AHNAK: variants seen among roughly 807,000 people sequenced by gnomAD.
The protein encoded by AHNAK is neuroblast differentiation-associated protein AHNAK.
In AHNAK, 23 loss-of-function variants were observed where a neutral mutation model predicts 37.8. The ratio of observed to expected loss-of-function variants is 0.61; its 90% CI spans 0.44 to 0.86. The LOEUF is 0.86. Among genes scored for constraint, AHNAK ranks in the 40% least tolerant of loss-of-function variants. The pLI is 0.00. For missense variants in AHNAK, 7,411 were observed against 7,319.4 expected (o/e 1.01, Z -0.46); for synonymous variants, 2,481 against 2,636.3 (o/e 0.94, Z 1.80).
chr11:62,437,852 C>A (rs545469312), intron 5 of AHNAK, among the ~76,000 whole-genome samples: 1 of 152,244 alleles, frequency 6.6e-6, no homozygotes, highest in African/African-American at 2.4e-5. Context: ...TTCATTTTAG[C>A]TATTATGGTG....
chr11:62,465,878 A>G (rs192023321), intron 5 of AHNAK, among the ~76,000 whole-genome samples: 2 of 152,326 alleles, frequency 1.3e-5, no homozygotes, highest in Admixed American at 1.3e-4. Context: ...CAGAGGGAAC[A>G]TGACCCTGCT....
chr11:62,481,567 T>TTTTATTTA (rs761257613), intron 5 of AHNAK, among the ~76,000 whole-genome samples: 9 of 151,818 alleles, frequency 5.9e-5, no homozygotes, highest in African/African-American at 9.7e-5. Flanking sequence ...ACTCTTTATT[T>TTTTATTTA]TTTATTTATT....
intron 1 of AHNAK, among the ~76,000 whole-genome samples, chr11:62,544,347 C>T (rs1190750487): frequency 2.6e-5 from 4 of 152,128 alleles, no homozygotes; most frequent in South Asian, 4.1e-4. Context: ...AAGGAGTTCC[C>T]GGACCAGGAC....
At chr11:62,461,098 G>C (rs915924435) in intron 5 of AHNAK, among the ~76,000 whole-genome samples, 5 of 142,524 alleles carry the variant, frequency 3.5e-5, no homozygotes, top group African/African-American at 1.3e-4. Flanking sequence ...GCCTCCCAAA[G>C]TGTTGGGATT....
chr11:62,437,307 C>T (rs1411616515), intron 5 of AHNAK, among the ~76,000 whole-genome samples: 1 of 152,166 alleles, frequency 6.6e-6, no homozygotes, highest in Non-Finnish European at 1.5e-5. Context: ...CTTCTTTGAA[C>T]ATTTTTGTAC....
chr11:62,535,431 C>G (rs1254083443), intron 3 of AHNAK, among the ~76,000 whole-genome samples: 2 of 152,014 alleles, frequency 1.3e-5, no homozygotes, highest in Non-Finnish European at 2.9e-5. Context: ...GGTGGATCGC[C>G]TGAGGTCAGG....
chr11:62,436,506 T>G (rs914328585), intron 5 of AHNAK, among the ~76,000 whole-genome samples: 1 of 152,072 alleles, frequency 6.6e-6, no homozygotes, highest in Non-Finnish European at 1.5e-5. Context: ...AAGAATATCA[T>G]TTTGACAGGT....
At position 62,524,950 on chromosome 11, in the gene AHNAK, G is replaced by C. The variant is rs1388304265; in HGVS notation, c.9467C>G (p.Pro3156Arg). The change falls in exon 5 of 5, where the codon CCC becomes CGC. Residue 3156 changes from proline (P) to arginine (R), a missense_variant. Transcript: ENST00000378024. ...WHLKMPKIKM[P>R]KISMPGFKGE... The stretch of plus-strand genomic sequence containing the variant: ...TTTGAAGCCAGGCATGCTGATCTTG[G>C]GCATTTTTATTTTAGGCATCTTCAG... The C allele has an allele frequency of 1.2e-6, 2 of 1,613,674 alleles. No homozygotes were observed. The highest frequency in any genetic ancestry group is 1.7e-6 in the Non-Finnish European group (2 of 1,179,962).
chr11:62,529,425 G>A lies in AHNAK; in HGVS notation c.4992C>T (p.Gly1664=), dbSNP rs199569065. 2.4e-5 allele frequency: 39 copies of A among 1,613,510 alleles called. No homozygotes were observed. In the East Asian group the frequency reaches 8.5e-4, roughly 35 times the overall value. ...SMPDVDLHLK[G]PKVKGDMDVS... Reference sequence around the variant, plus strand: ...CATCCATATCCCCTTTGACTTTGGGGCCTTTCAAGTGTAAGTCCACATCGG... The same window carrying A: ...CATCCATATCCCCTTTGACTTTGGGACCTTTCAAGTGTAAGTCCACATCGG... The change falls in exon 5 of 5, where the codon GGC becomes GGT. Residue 1664 remains glycine, a synonymous_variant. Transcript: ENST00000378024.
chr11:62,464,220 T>C (rs937613835), intron 5 of AHNAK, among the ~76,000 whole-genome samples: 1 of 151,644 alleles, frequency 6.6e-6, no homozygotes, highest in Admixed American at 6.6e-5. Context: ...ATCTTTTTCT[T>C]TTTTGGGGGC....
intron 5 of AHNAK, among the ~76,000 whole-genome samples, chr11:62,435,941 T>A (rs1938161044): frequency 6.6e-6 from 1 of 152,168 alleles, no homozygotes; most frequent in African/African-American, 2.4e-5. Flanking sequence ...ACTCTCACAG[T>A]GAGACTAGAA....
chr11:62,521,412 A>G lies in AHNAK; in HGVS notation c.13005T>C (p.Asp4335=). 6.2e-7 allele frequency: 1 copy of G among 1,613,700 alleles called. No individual in the cohort carries two copies. Among genetic ancestry groups the G allele is most frequent in the South Asian group, 1.1e-5 (1 of 91,048 alleles). ...SMPGFKGEGP[D]VDVTLPKADI... is the part of the protein sequence containing the mutation. The stretch of plus-strand genomic sequence containing the variant: ...CAGCCTTAGGAAGGGTAACATCCAC[A>G]TCTGGGCCCTCTCCTTTGAATCCTG... The change falls in exon 5 of 5, where the codon GAT becomes GAC. Residue 4335 remains aspartate, a synonymous_variant. Transcript: ENST00000378024.
chr11:62,510,916 A>G (rs978863505), downstream of AHNAK, among the ~76,000 whole-genome samples: 10 of 152,054 alleles, frequency 6.6e-5, no homozygotes, highest in Admixed American at 2.0e-4. Flanking sequence ...AAATAAATAC[A>G]CTTTAAAAAA....
chr11:62,450,271 C>T (rs1220538830), intron 5 of AHNAK, among the ~76,000 whole-genome samples: 1 of 152,010 alleles, frequency 6.6e-6, no homozygotes, highest in Non-Finnish European at 1.5e-5. Flanking sequence ...AATTCTCCTG[C>T]CTCAGCCTCC....
Position 62,535,077 on chromosome 11 carries a change from C to CCTTGCGGTG in AHNAK, c.259_267dup (p.His87_Lys89dup). 6.2e-7 allele frequency: 1 copy of CCTTGCGGTG among 1,614,044 alleles called. No individual in the cohort carries two copies. Among genetic ancestry groups the CCTTGCGGTG allele is most frequent in the Non-Finnish European group, 8.5e-7 (1 of 1,179,984 alleles). ...TGGCCAGGCTCGGGAGAGCGGTCCC[C>CCTTGCGGTG]CTTGCGGTGCAGCTTCAGGCCCACC... is the stretch of plus-strand genomic sequence containing the variant. On this transcript the variant is annotated inframe_insertion, in exon 4 of 5. Transcript: ENST00000378024.
intron 5 of AHNAK, among the ~76,000 whole-genome samples, chr11:62,450,945 C>T (rs1483665069): frequency 6.6e-6 from 1 of 152,178 alleles, no homozygotes; most frequent in East Asian, 1.9e-4. Context: ...GTGGCTCACG[C>T]CTGTAATCGC....
chr11:62,527,601 A>C lies in AHNAK; in HGVS notation c.6816T>G (p.Val2272=). 6.2e-7 allele frequency: 1 copy of C among 1,613,598 alleles called. No individual in the cohort carries two copies. The highest frequency in any genetic ancestry group is 8.5e-7 in the Non-Finnish European group (1 of 1,179,874). ...CATCCACCTTGGGTCCTGAGACATC[A>C]ACGTCAGCCTTGGGCAAGTTCACAT... ...EVDVNLPKAD[V]DVSGPKVDVE... is the part of the protein sequence containing the mutation. Residue 2272 remains valine, a synonymous_variant, in exon 5 of 5, where the codon GTT becomes GTG. Coordinates refer to ENST00000378024, the MANE Select transcript of AHNAK (RefSeq NM_001620.3).
At chr11:62,474,716 G>A (rs1272252701) in intron 5 of AHNAK, among the ~76,000 whole-genome samples, 1 of 152,208 alleles carries the variant, frequency 6.6e-6, no homozygotes. Context: ...TGACAAAAGT[G>A]AGCTGGACAT....
chr11:62,478,461 G>A (rs1023668648), intron 5 of AHNAK, among the ~76,000 whole-genome samples: 3 of 152,090 alleles, frequency 2.0e-5, no homozygotes, highest in Admixed American at 6.5e-5. Flanking sequence ...GCCGGGTGCC[G>A]GTGGCTCACT....
Sources: allele counts gnomAD v4.1 joint callset (sites outside exome capture counted in the v4.1 genomes callset), GRCh38; gene constraint gnomAD v4.1.1; transcripts MANE v1.5; gene names NCBI Gene and HGNC (gene_info 2026-07-23, HGNC 2026-07-21).